Variants in AGTPBP1 observed in about 807,000 individuals in gnomAD.
The protein encoded by AGTPBP1 is ATP/GTP binding carboxypeptidase 1.
Under a neutral mutation model 143.9 loss-of-function variants are expected in AGTPBP1, and 70 were observed. That is an observed-to-expected ratio of 0.49 (90% CI 0.40 to 0.59). The LOEUF (loss-of-function observed/expected upper bound fraction) is 0.59. Ranked by LOEUF, AGTPBP1 falls within the 20% of genes least tolerant of loss-of-function variation. AGTPBP1 has a pLI of 0.00. For missense variants in AGTPBP1, 1,229 were observed against 1,464.5 expected (o/e 0.84, Z 2.62); for synonymous variants, 463 against 500.2 (o/e 0.93, Z 0.99).
At chr9:85,631,672 T>C (rs890425462) in intron 14 of AGTPBP1, among the ~76,000 whole-genome samples, 2 of 152,182 alleles carry the variant, frequency 1.3e-5, no homozygotes, top group Non-Finnish European at 2.9e-5. Context: ...AAAAATAAGA[T>C]GCAGTTATTT....
chr9:85,782,367 T>C, the AGTPBP1 span, among the ~76,000 whole-genome samples: 2 of 151,988 alleles, frequency 1.3e-5, no homozygotes, highest in East Asian at 3.9e-4. Flanking sequence ...AATACAAAAT[T>C]AGCCAGGTGT....
intron 25 of AGTPBP1, among the ~76,000 whole-genome samples, chr9:85,554,686 T>C (rs1270858087): frequency 1.3e-5 from 2 of 152,188 alleles, no homozygotes; most frequent in Admixed American, 6.5e-5. Flanking sequence ...GAAGTTTTTA[T>C]ACATAATACC....
At chr9:85,576,667 G>A (rs1179036540) in intron 24 of AGTPBP1, among the ~76,000 whole-genome samples, 1 of 152,158 alleles carries the variant, frequency 6.6e-6, no homozygotes, top group African/African-American at 2.4e-5. Flanking sequence ...AATATTATGA[G>A]ACTCACACAC....
rs1342388925 is a variant in AGTPBP1, at chr9:85,730,021, G to A, written c.-34+11754C>T. Among the ~76,000 whole-genome samples, 3 of 147,744 alleles carry A rather than the reference G, an allele frequency of 2.0e-5. No homozygotes were observed. The East Asian group carries it at 5.9e-4, about 29-fold the overall frequency. ...GATAGTCTGAGGTTCCTGATTACCA[G>A]AGCCTCCTGACCTCAACTGTTTCCA... On this transcript the variant is annotated intron_variant, in intron 1 of 25. Transcript: ENST00000357081.
chr9:85,546,935 C>A lies in AGTPBP1; in HGVS notation c.*174G>T, dbSNP rs1825771827. On this transcript the variant is annotated 3_prime_UTR_variant, in exon 26 of 26. Transcript: ENST00000357081. ...TTGAATATCGAAAATAAAACAAGCG[C>A]CAATTTTATCATTAATTAATAACAC... The A allele has an allele frequency of 7.6e-6, 4 of 525,068 alleles. No homozygotes were observed. The highest frequency in any genetic ancestry group is 1.2e-5 in the Non-Finnish European group (4 of 324,046). The allele number at this position is 525,068 out of a possible 1,614,324, so 32.5% of individuals were successfully genotyped here. A position where few individuals can be genotyped will look rare whatever the true frequency, so the allele number is the denominator to read the frequency against.
chr9:85,566,529 C>CAAAAAAAAAAAAAAAAAAA (rs72129899), intron 25 of AGTPBP1, among the ~76,000 whole-genome samples: 1 of 78,548 alleles, frequency 1.3e-5, no homozygotes, highest in African/African-American at 5.8e-5. Context: ...GACCATGTCT[C>CAAAAAAAAAAAAAAAAAAA]AAAAAAAAAA....
Position 85,616,722 on chromosome 9 carries a change from T to C in AGTPBP1, c.2335+2261A>G, listed in dbSNP as rs3908485. On this transcript the variant is annotated intron_variant, in intron 17 of 25. Coordinates refer to ENST00000357081, the MANE Select transcript of AGTPBP1 (RefSeq NM_001330701.2). ...TAGGGAAATCACTAGGTTTCTTTACTTATTTTAATATACTTTGAATGAGTT... is the reference window on the plus strand; with the variant it reads ...TAGGGAAATCACTAGGTTTCTTTACCTATTTTAATATACTTTGAATGAGTT... Among the ~76,000 whole-genome samples, 1,468 of 152,068 alleles carry C rather than the reference T, an allele frequency of 9.7e-3. 18 individuals carry two copies. Among genetic ancestry groups the C allele is most frequent in the African/African-American group, 0.034 (1,400 of 41,554 alleles).
chr9:85,716,783 T>C (rs1464359406), intron 1 of AGTPBP1, among the ~76,000 whole-genome samples: 1 of 152,122 alleles, frequency 6.6e-6, no homozygotes, highest in East Asian at 1.9e-4. Context: ...ACACCTTAAG[T>C]AGATTTTTGT....
chr9:85,591,762 T>C (rs553650811), intron 19 of AGTPBP1, among the ~76,000 whole-genome samples: 7 of 152,172 alleles, frequency 4.6e-5, no homozygotes, highest in Admixed American at 6.5e-5. Flanking sequence ...CTCTACAGAC[T>C]ATGTTTTTCT....
intron 2 of AGTPBP1, 133 bp from the exon 3 acceptor site, chr9:85,692,946 C>G: frequency 1.0e-6 from 1 of 963,500 alleles, no homozygotes; most frequent in South Asian, 1.7e-5. Context: ...CTTCCTTACT[C>G]TGTTCTATAG....
the AGTPBP1 span, among the ~76,000 whole-genome samples, chr9:85,782,142 T>G: frequency 2.0e-5 from 3 of 152,160 alleles, no homozygotes; most frequent in Non-Finnish European, 1.5e-5. Flanking sequence ...ACTACTTAAA[T>G]ATGGGCACAC....
chr9:85,707,751 T>C (rs562737250), intron 2 of AGTPBP1, among the ~76,000 whole-genome samples: 6 of 152,274 alleles, frequency 3.9e-5, no homozygotes, highest in Non-Finnish European at 8.8e-5. Context: ...AACTTATTAT[T>C]GTATTACAGG....
chr9:85,640,575 T>A (rs949427030), intron 13 of AGTPBP1, among the ~76,000 whole-genome samples: 1 of 152,216 alleles, frequency 6.6e-6, no homozygotes. Context: ...CCACACCTAT[T>A]CAGACCCAAA....
At chr9:85,645,983 A>T (rs924563188) in intron 12 of AGTPBP1, among the ~76,000 whole-genome samples, 1 of 152,176 alleles carries the variant, frequency 6.6e-6, no homozygotes, top group African/African-American at 2.4e-5. Flanking sequence ...TCCCCAAAAG[A>T]CTGCTGACAA....
At chr9:85,749,348 C>G in the AGTPBP1 span, among the ~76,000 whole-genome samples, 3 of 152,178 alleles carry the variant, frequency 2.0e-5, no homozygotes, top group East Asian at 3.9e-4. Context: ...GTGAAATGAC[C>G]CACTTATGGG....
chr9:85,772,090 C>T, the AGTPBP1 span, among the ~76,000 whole-genome samples: 1 of 151,830 alleles, frequency 6.6e-6, no homozygotes, highest in Admixed American at 6.6e-5. Flanking sequence ...ATTCTCCTGC[C>T]TCAGCCTCCT....
intron 25 of AGTPBP1, among the ~76,000 whole-genome samples, chr9:85,565,731 C>T (rs1827043958): frequency 6.6e-6 from 1 of 152,134 alleles, no homozygotes; most frequent in South Asian, 2.1e-4. Flanking sequence ...TATGACCCTC[C>T]AATGCTACCT....
At chr9:85,587,396 T>C (rs1484914099) in intron 21 of AGTPBP1, among the ~76,000 whole-genome samples, 1 of 152,186 alleles carries the variant, frequency 6.6e-6, no homozygotes, top group African/African-American at 2.4e-5. Flanking sequence ...AAGACAAGTA[T>C]ATGAAAAGTA....
intron 17 of AGTPBP1, among the ~76,000 whole-genome samples, chr9:85,618,176 T>A (rs1295667818): frequency 2.0e-5 from 3 of 148,944 alleles, no homozygotes; most frequent in Admixed American, 6.8e-5. Context: ...GAGGTTGCAG[T>A]GGGCCACAAT....
Sources: gnomAD v4.1 joint callset for allele counts (sites outside exome capture counted in the v4.1 genomes callset) on GRCh38, gnomAD v4.1.1 for gene constraint, MANE v1.5 for transcripts, NCBI Gene and HGNC (gene_info 2026-07-23, HGNC 2026-07-21) for gene names.